The following SF3B2 variants were observed in gnomAD, a reference collection of about 807,000 sequenced individuals.
SF3B2 encodes the protein SAP 145.
Under a neutral mutation model 116.3 loss-of-function variants are expected in SF3B2, and 22 were observed. The ratio of observed to expected loss-of-function variants is 0.19; its 90% CI spans 0.14 to 0.27. SF3B2 has a LOEUF of 0.27. Among genes scored for constraint, SF3B2 ranks in the 10% least tolerant of loss-of-function variants. The probability of loss-of-function intolerance (pLI) is 1.00; values close to 1 mark genes in which losing one functional copy is unlikely to be tolerated. For synonymous variants in SF3B2, 406 were observed against 421.6 expected (o/e 0.96, Z 0.45); for missense variants, 767 against 1,151.4 (o/e 0.67, Z 4.83).
chr11:66,064,264 G>C (rs1176417260), intron 19 of SF3B2, among the ~76,000 whole-genome samples: 2 of 152,056 alleles, frequency 1.3e-5, no homozygotes, highest in Non-Finnish European at 2.9e-5. Context: ...TGGATTACTT[G>C]AACAATTTTT....
At chr11:66,060,528 C>G in intron 13 of SF3B2, 54 bp from the exon 14 acceptor site, 1 of 1,602,924 alleles carries the variant, frequency 6.2e-7, no homozygotes, top group Non-Finnish European at 8.5e-7. Context: ...GCTGGATTCT[C>G]TACATGAATT....
At chr11:66,058,788 G>A (rs769790280) in intron 9 of SF3B2, 42 bp from the exon 10 acceptor site, 2 of 1,561,638 alleles carry the variant, frequency 1.3e-6, no homozygotes, top group Admixed American at 3.5e-5. Context: ...CTGGCACAGT[G>A]CTTGGATTCC....
At chr11:66,052,559 G>A in intron 1 of SF3B2, 42 bp downstream of exon 1, 1 of 1,598,822 alleles carries the variant, frequency 6.3e-7, no homozygotes, top group Admixed American at 1.7e-5. Flanking sequence ...CGGGCCTGCG[G>A]AGAAGCGGAG....
Position 66,068,811 on chromosome 11 carries a change from C to T in SF3B2, c.*66C>T. The T allele has an allele frequency of 8.0e-7, 1 of 1,250,144 alleles. No homozygotes were observed. The highest frequency in any genetic ancestry group is 1.2e-6 in the Non-Finnish European group (1 of 856,608). 77.4% of individuals were successfully genotyped at this position (1,250,144 alleles called of 1,614,324 possible). On this transcript the variant is annotated 3_prime_UTR_variant, in exon 22 of 22. Coordinates refer to ENST00000322535, the MANE Select transcript of SF3B2 (RefSeq NM_006842.3). ...TGCCTGGGCTTCACACAAGAACCAC[C>T]TCTCCCGCAGTTCCCAAGGACTTGT...
chr11:66,057,995 G>GAAAGAA, intron 7 of SF3B2, 59 bp from the exon 8 acceptor site: 1 of 994,282 alleles, frequency 1.0e-6, no homozygotes, highest in Non-Finnish European at 1.4e-6. Context: ...AAGAAAGAAA[G>GAAAGAA]AAAAAAAAAA....
chr11:66,062,315 T>C (rs530664432), intron 16 of SF3B2, among the ~76,000 whole-genome samples: 1 of 152,230 alleles, frequency 6.6e-6, no homozygotes, highest in East Asian at 1.9e-4. Flanking sequence ...GATATGTCTC[T>C]GAATATTAAG....
In SF3B2 at chr11:66,055,600, C is replaced by G. The variant is rs1289562608; in HGVS notation, c.549+15C>G. ...AGCAGAAGCGGGTAATACCCCTCCC[C>G]CTAACCTTTGACCTCGTGGTCCAGT... is the stretch of plus-strand genomic sequence containing the variant. On this transcript the variant is annotated intron_variant, in intron 5 of 21. Coordinates refer to ENST00000322535, the MANE Select transcript of SF3B2 (RefSeq NM_006842.3). 1.2e-6 allele frequency: 2 copies of G among 1,613,678 alleles called. No homozygotes were observed. Among genetic ancestry groups the G allele is most frequent in the Non-Finnish European group, 1.7e-6 (2 of 1,179,602 alleles).
rs1200339293 is a variant in SF3B2 at position 66,056,958 on chromosome 11, G to A, written c.667+3G>A. ...GCGCACTCCTCTGGGTCCTCGAGGT[G>A]AGACCCTGGAACCGAGGGGAAGGGC... On this transcript the variant is annotated splice_donor_region_variant and intron_variant, in intron 6 of 21. Transcript: ENST00000322535. 1 of 1,604,118 alleles carries A rather than the reference G, an allele frequency of 6.2e-7. No individual in the cohort carries two copies. The highest frequency in any genetic ancestry group is 8.5e-7 in the Non-Finnish European group (1 of 1,170,888).
intron 5 of SF3B2, chr11:66,055,859 T>C: frequency 2.2e-6 from 1 of 447,664 alleles, no homozygotes; most frequent in Non-Finnish European, 3.9e-6. Context: ...CCAGAGTCTG[T>C]ACAGCAACCC....
chr11:66,068,678 A>C lies in SF3B2; in HGVS notation c.2621A>C (p.Lys874Thr). 3 of 1,614,030 alleles carry C rather than the reference A, an allele frequency of 1.9e-6. No individual in the cohort carries two copies. Among genetic ancestry groups the C allele is most frequent in the Non-Finnish European group, 2.5e-6 (3 of 1,179,998 alleles). Reference protein sequence around the residue: ...VAEHAAKQKQKKRKAQPQDSR... With the variant: ...VAEHAAKQKQTKRKAQPQDSR... ...TGTCTCTTTCTCCCTATACAGCAAA[A>C]AAAACGGAAAGCTCAGCCCCAGGAC... The change falls in exon 22 of 22, where the codon AAA (lysine) becomes ACA (threonine). Residue 874 changes from lysine to threonine, a missense_variant. This residue lies in a region of SF3B2 where 27 missense variants were observed against 28.0 expected (regional missense o/e 0.96). Transcript: ENST00000322535.
chr11:66,062,968 T>C (rs777115050), intron 16 of SF3B2, 41 bp from the exon 17 acceptor site: 12 of 1,386,684 alleles, frequency 8.7e-6, no homozygotes, highest in Non-Finnish European at 2.0e-6. Flanking sequence ...GAATTTCTTT[T>C]GCAGCTAAGG....
chr11:66,053,134 C>A (rs1350585321), intron 3 of SF3B2, 30 bp downstream of exon 3: 4 of 1,589,510 alleles, frequency 2.5e-6, no homozygotes, highest in South Asian at 1.1e-5. Context: ...TTTTAAGATT[C>A]CATCTGCTGA....
At position 66,063,636 on chromosome 11, in the gene SF3B2, T is replaced by C; in HGVS notation, c.2237T>C (p.Ile746Thr). 6.2e-7 allele frequency: 1 copy of C among 1,612,746 alleles called. No individual in the cohort carries two copies. The highest frequency in any genetic ancestry group is 8.5e-7 in the Non-Finnish European group (1 of 1,179,366). The change falls in exon 19 of 22, where the codon ATC becomes ACC. Residue 746 changes from isoleucine to threonine, a missense_variant. Around this residue, in one of 4 missense-constraint regions of SF3B2, gnomAD observed 282 missense variants for 568.0 expected, o/e 0.50. Transcript: ENST00000322535. Reference protein sequence around the residue: ...GFITPADSGLITPGGFSSVPA... With the variant: ...GFITPADSGLTTPGGFSSVPA... Reference sequence around the variant, plus strand: ...TGTTCCTCTCTTTACAGTGGCCTTATCACTCCTGGAGGCTTTTCATCAGTG... The same window carrying C: ...TGTTCCTCTCTTTACAGTGGCCTTACCACTCCTGGAGGCTTTTCATCAGTG...
rs1307266606 is a variant in SF3B2, at chr11:66,068,940, CCTT to C, written c.*199_*201del. ...GAGCCTCCCTCATCTCCTTTTAGCC[CCTT>C]CTTGCAAAAGGACTAAAATAGTCTC... On this transcript the variant is annotated 3_prime_UTR_variant, in exon 22 of 22. Transcript: ENST00000322535. 35 of 558,984 alleles carry C rather than the reference CCTT, an allele frequency of 6.3e-5. No homozygotes were observed. The highest frequency in any genetic ancestry group is 1.1e-4 in the Non-Finnish European group (33 of 310,712). 34.6% of individuals were successfully genotyped at this position (558,984 alleles called of 1,614,324 possible).
At position 66,063,715 on chromosome 11, in the gene SF3B2, G is replaced by T; in HGVS notation, c.2316G>T (p.Glu772Asp). The T allele has an allele frequency of 6.2e-7, 1 of 1,612,212 alleles. No individual in the cohort carries two copies. Among genetic ancestry groups the T allele is most frequent in the Middle Eastern group, 1.7e-4 (1 of 5,902 alleles). ...ELIELRKKKIEEAMDGSETPQ... is the reference protein window; with the variant it reads ...ELIELRKKKIDEAMDGSETPQ... The stretch of plus-strand genomic sequence containing the variant: ...TTGAGCTGAGGAAGAAGAAGATTGA[G>T]GAGGCGATGGACGGGTAAGGGTACC... Residue 772 changes from glutamate (E) to aspartate (D), a missense_variant, in exon 19 of 22, where the codon GAG (glutamate) becomes GAT (aspartate). Physicochemically the swap from Glu to Asp is conservative, Grantham distance 45. This residue lies in a region of SF3B2 where 282 missense variants were observed against 568.0 expected (regional missense o/e 0.50). Transcript: ENST00000322535.
Position 66,060,106 on chromosome 11 carries a change from A to G in SF3B2, c.1629+97A>G, listed in dbSNP as rs565255394. ...GAATCTGGTTTGAAACCCACCTACC[A>G]CCTACTTGTTACTTGTCTAATTATC... On this transcript the variant is annotated intron_variant, in intron 13 of 21. Coordinates refer to ENST00000322535, the MANE Select transcript of SF3B2 (RefSeq NM_006842.3). 1.8e-4 allele frequency: 185 copies of G among 1,037,402 alleles called. No individual in the cohort carries two copies. In the South Asian group the frequency reaches 2.4e-3, roughly 14 times the overall value. 64.3% of individuals were successfully genotyped at this position (1,037,402 alleles called of 1,614,324 possible). A position where few individuals can be genotyped will look rare whatever the true frequency, so the allele number is the denominator to read the frequency against.
Position 66,063,744 on chromosome 11 carries a change from CAG to C in SF3B2, c.2330+16_2330+17del, listed in dbSNP as rs1857134589. The C allele has an allele frequency of 6.3e-7, 1 of 1,590,408 alleles. No individual in the cohort carries two copies. The highest frequency in any genetic ancestry group is 1.3e-5 in the African/African-American group (1 of 74,306). On this transcript the variant is annotated intron_variant, in intron 19 of 21. Transcript: ENST00000322535. ...GCGATGGACGGGTAAGGGTACCAGA[CAG>C]GGCTGAGAGGGGAGGACCTTCACTT... is the stretch of plus-strand genomic sequence containing the variant.
Position 66,068,207 on chromosome 11 carries a change from T to A in SF3B2, c.2490T>A (p.Pro830=), listed in dbSNP as rs200682390. 29 of 1,614,230 alleles carry A rather than the reference T, an allele frequency of 1.8e-5. 1 individual carries two copies. In the Admixed American group the frequency reaches 3.2e-4, roughly 18 times the overall value. ...ELQGVEVALA[P]EELELDPMAM... is the part of the protein sequence containing the mutation. ...AAGGTGTGGAAGTGGCGCTGGCGCC[T>A]GAAGAGTTGGAGCTGGATCCTATGG... The change falls in exon 21 of 22, where the codon CCT becomes CCA. Residue 830 remains proline (P), a synonymous_variant. Coordinates refer to ENST00000322535, the MANE Select transcript of SF3B2 (RefSeq NM_006842.3).
At chr11:66,067,265 G>A (rs779293518) in intron 19 of SF3B2, 2 of 383,094 alleles carry the variant, frequency 5.2e-6, no homozygotes, top group Admixed American at 6.2e-5. Flanking sequence ...ACCAGGCTAT[G>A]AACCCTTTAG....
Sources: allele counts gnomAD v4.1 joint callset (sites outside exome capture counted in the v4.1 genomes callset), GRCh38; gene constraint gnomAD v4.1.1; regional missense constraint gnomAD v4.1.1; transcripts MANE v1.5; gene names NCBI Gene and HGNC (gene_info 2026-07-23, HGNC 2026-07-21).